The following ZNF362 variants were observed in gnomAD, a reference collection of about 807,000 sequenced individuals.
ZNF362 encodes zinc finger protein 362.
In ZNF362, 11 loss-of-function variants were observed where a neutral mutation model predicts 42.9. The ratio of observed to expected loss-of-function variants is 0.26; its 90% CI spans 0.16 to 0.42. The LOEUF (loss-of-function observed/expected upper bound fraction) is 0.42, where lower values mean the gene tolerates loss of function less well. ZNF362 is among the 20% of genes least tolerant of loss of function. The pLI, the probability that ZNF362 is intolerant of heterozygous loss-of-function variation, is 1.00. For synonymous variants in ZNF362, 255 were observed against 257.3 expected (o/e 0.99, Z 0.09); for missense variants, 362 against 576.2 (o/e 0.63, Z 3.81).
the ZNF362 span, among the ~76,000 whole-genome samples, chr1:33,218,932 TACACACACACACACACAC>T: frequency 2.5e-4 from 30 of 120,996 alleles, no homozygotes; most frequent in South Asian, 3.1e-4. Flanking sequence ...GAGCTGGACA[TACACACACACACACACAC>T]ACACACACAC....
At chr1:33,298,560 A>G (rs1465766312) in intron 8 of ZNF362, among the ~76,000 whole-genome samples, 2 of 152,228 alleles carry the variant, frequency 1.3e-5, no homozygotes, top group Non-Finnish European at 2.9e-5. Context: ...GCTCAGACCC[A>G]GTCCTGCTGC....
upstream of ZNF362, among the ~76,000 whole-genome samples, chr1:33,253,049 A>C (rs1162871763): frequency 6.6e-6 from 1 of 151,958 alleles, no homozygotes; most frequent in East Asian, 1.9e-4. Flanking sequence ...TATGTGAAGG[A>C]TCTAGAATGG....
chr1:33,265,664 C>T (rs1041641585), intron 1 of ZNF362, among the ~76,000 whole-genome samples: 6 of 152,020 alleles, frequency 3.9e-5, no homozygotes, highest in Non-Finnish European at 7.4e-5. Context: ...GAGCGTGTCT[C>T]AGGAGCCTAA....
chr1:33,137,034 G>C, the ZNF362 span, among the ~76,000 whole-genome samples: 2 of 151,924 alleles, frequency 1.3e-5, no homozygotes, highest in South Asian at 2.1e-4. Context: ...GCCAGTGCTT[G>C]TTGGGAGTGG....
chr1:33,202,593 A>AT, the ZNF362 span, among the ~76,000 whole-genome samples: 4 of 76,384 alleles, frequency 5.2e-5, no homozygotes, highest in African/African-American at 1.8e-4. Flanking sequence ...GCGAGACTCC[A>AT]TAAAAAAAAA....
At chr1:33,189,665 A>ATATATATATG in the ZNF362 span, among the ~76,000 whole-genome samples, 3 of 17,204 alleles carry the variant, frequency 1.7e-4, no homozygotes, top group African/African-American at 3.4e-4. Flanking sequence ...ATATATATAT[A>ATATATATATG]TATATATGTA....
chr1:33,299,349 GT>G lies in ZNF362; in HGVS notation c.*315del, dbSNP rs925565877. The G allele has an allele frequency of 5.3e-3, 692 of 130,498 alleles. No homozygotes were observed. The highest frequency in any genetic ancestry group is 8.7e-3 in the South Asian group (38 of 4,378). 8.1% of individuals were successfully genotyped at this position (130,498 alleles called of 1,614,324 possible). A position where few individuals can be genotyped will look rare whatever the true frequency, so the allele number is the denominator to read the frequency against. On this transcript the variant is annotated 3_prime_UTR_variant, in exon 9 of 9. Coordinates refer to ENST00000539719, the MANE Select transcript of ZNF362 (RefSeq NM_152493.3). ...TTGCTTCACTGTTTTTTTTTTTTTC[GT>G]TTTTTTTTTTTAAGTTTGTTTTGGA... is the stretch of plus-strand genomic sequence containing the variant.
At chr1:33,282,052 T>C (rs1645998817) in intron 6 of ZNF362, 5 of 547,888 alleles carry the variant, frequency 9.1e-6, no homozygotes, top group South Asian at 2.2e-5. Flanking sequence ...CCTCTCCCGC[T>C]TTTCCCTGTT....
chr1:33,161,986 T>C, the ZNF362 span, among the ~76,000 whole-genome samples: 1 of 152,186 alleles, frequency 6.6e-6, no homozygotes, highest in South Asian at 2.1e-4. The surrounding 1 kb of genome is among the most constrained non-coding windows in gnomAD (Gnocchi z 4.3). Flanking sequence ...TCCATATAGA[T>C]GGCCTTGCCT....
the ZNF362 span, chr1:33,147,498 G>C: frequency 1.2e-6 from 2 of 1,613,008 alleles, no homozygotes; most frequent in Non-Finnish European, 1.7e-6. The surrounding 1 kb of genome is among the most constrained non-coding windows in gnomAD (Gnocchi z 8.1). Flanking sequence ...TTGCGGCTTC[G>C]TGTGCCAGCC....
the ZNF362 span, among the ~76,000 whole-genome samples, chr1:33,214,867 G>A: frequency 0.029 from 4,425 of 152,308 alleles, 196 homozygotes; most frequent in African/African-American, 0.1. Context: ...TGAGGATATG[G>A]TGAAAGGGGA....
At chr1:33,239,897 A>T in the ZNF362 span, among the ~76,000 whole-genome samples, 3 of 152,254 alleles carry the variant, frequency 2.0e-5, no homozygotes, top group African/African-American at 7.2e-5. Context: ...TGAAAACCAA[A>T]ATAAATAATG....
chr1:33,215,398 A>T, the ZNF362 span, among the ~76,000 whole-genome samples: 1 of 152,156 alleles, frequency 6.6e-6, no homozygotes, highest in African/African-American at 2.4e-5. Flanking sequence ...TGGGCACAAA[A>T]ATATACTTAT....
Position 33,276,387 on chromosome 1 carries a change from C to A in ZNF362, c.142C>A (p.Leu48Met). 6.4e-7 allele frequency: 1 copy of A among 1,573,164 alleles called. No individual in the cohort carries two copies. ...TCTGATTAACAAGATCAAGGAGCAG[C>A]TGATGGCCGAGAAGATCAGGCCGCC... ...LVLINKIKEQ[L>M]MAEKIRPPHL... is the part of the protein sequence containing the mutation. Residue 48 changes from leucine (L) to methionine (M), a missense_variant, in exon 4 of 9, where the codon CTG (leucine) becomes ATG (methionine). By Grantham distance (15) the Leu-to-Met change is conservative. Transcript: ENST00000539719.
At chr1:33,144,189 T>A in the ZNF362 span, among the ~76,000 whole-genome samples, 2 of 149,676 alleles carry the variant, frequency 1.3e-5, no homozygotes, top group Non-Finnish European at 3.0e-5. Context: ...CAGGCTGGAG[T>A]GCAATGGCGC....
chr1:33,242,389 A>G, the ZNF362 span, among the ~76,000 whole-genome samples: 10 of 152,150 alleles, frequency 6.6e-5, no homozygotes, highest in Non-Finnish European at 1.0e-4. Context: ...CTGGGGAGAA[A>G]TGCCATGAGA....
At chr1:33,279,675 C>T (rs1412541053) in intron 4 of ZNF362, among the ~76,000 whole-genome samples, 2 of 147,266 alleles carry the variant, frequency 1.4e-5, no homozygotes, top group Non-Finnish European at 3.0e-5. Flanking sequence ...TCCTGATCTA[C>T]TATCCATATC....
At chr1:33,253,317 C>T (rs1645770524), upstream of ZNF362, among the ~76,000 whole-genome samples, 3 of 149,962 alleles carry the variant, frequency 2.0e-5, no homozygotes, top group Admixed American at 2.0e-4. Flanking sequence ...CTCACCCCAA[C>T]TGCCTCCAAC....
upstream of ZNF362, among the ~76,000 whole-genome samples, chr1:33,252,354 AAACAAC>A (rs3075190): frequency 3.5e-3 from 519 of 149,978 alleles, 2 homozygotes; most frequent in African/African-American, 0.011. Context: ...CTCCATCTCA[AAACAAC>A]AACAACAACA....
Sources: gnomAD v4.1 joint callset for allele counts (sites outside exome capture counted in the v4.1 genomes callset) on GRCh38, gnomAD v4.1.1 for gene constraint, Gnocchi (gnomAD v3.1) non-coding constraint, MANE v1.5 for transcripts, NCBI Gene and HGNC (gene_info 2026-07-23, HGNC 2026-07-21) for gene names.